The following RCAN2 variants were observed in gnomAD, a reference collection of about 807,000 sequenced individuals.
The protein encoded by RCAN2 is regulator of calcineurin 2, also known as calcipressin-2.
In RCAN2, 9 loss-of-function variants were observed where a neutral mutation model predicts 23.6. The ratio of observed to expected loss-of-function variants is 0.38; its 90% confidence interval spans 0.23 to 0.67. The LOEUF is 0.67. RCAN2 is among the 30% of genes least tolerant of loss of function. The probability of loss-of-function intolerance (pLI) is 0.51; values close to 1 mark genes in which losing one functional copy is unlikely to be tolerated. For synonymous variants in RCAN2, 109 were observed against 115.7 expected, an observed-to-expected ratio of 0.94 and a Z score of 0.37; for missense variants, 273 against 302.3, an observed-to-expected ratio of 0.90 and a Z score of 0.72.
chr6:46,381,359 C>A (rs1159224723), intron 2 of RCAN2, among the ~76,000 whole-genome samples: 2 of 152,194 alleles, frequency 1.3e-5, no homozygotes, highest in African/African-American at 4.8e-5. Flanking sequence ...ATAAGCACTG[C>A]TCCTGTGGCT....
chr6:46,462,085 T>C (rs973482459), intron 1 of RCAN2, among the ~76,000 whole-genome samples: 1 of 152,194 alleles, frequency 6.6e-6, no homozygotes, highest in African/African-American at 2.4e-5. Context: ...TCTTCTACTG[T>C]TAAGTGTGTA....
At chr6:46,247,048 T>A in intron 3 of RCAN2, 129 bp from the exon 4 acceptor site, 1 of 681,218 alleles carries the variant, frequency 1.5e-6, no homozygotes, top group South Asian at 2.2e-5. Flanking sequence ...GTAATAATAA[T>A]TACCACTTAC....
chr6:46,337,630 C>A (rs1764185354), intron 2 of RCAN2, among the ~76,000 whole-genome samples: 1 of 152,216 alleles, frequency 6.6e-6, no homozygotes, highest in South Asian at 2.1e-4. Flanking sequence ...ACCCCACTCA[C>A]CTTTCATCGT....
At chr6:46,400,684 G>T (rs1385805766) in intron 2 of RCAN2, among the ~76,000 whole-genome samples, 5 of 152,096 alleles carry the variant, frequency 3.3e-5, no homozygotes, top group Admixed American at 3.3e-4. Flanking sequence ...TCATCCACTG[G>T]CCCAGAAATT....
At chr6:46,414,573 G>A (rs908847005) in intron 2 of RCAN2, among the ~76,000 whole-genome samples, 1 of 152,174 alleles carries the variant, frequency 6.6e-6, no homozygotes, top group Admixed American at 6.5e-5. Context: ...TAGACTTTGA[G>A]TGAAGCATAT....
At chr6:46,410,348 C>T (rs1199465645) in intron 2 of RCAN2, among the ~76,000 whole-genome samples, 1 of 152,198 alleles carries the variant, frequency 6.6e-6, no homozygotes, top group African/African-American at 2.4e-5. Context: ...TACCTACCTA[C>T]GTACCTTTCC....
intron 2 of RCAN2, among the ~76,000 whole-genome samples, chr6:46,289,879 T>C (rs1376432499): frequency 6.6e-6 from 1 of 152,164 alleles, no homozygotes; most frequent in Non-Finnish European, 1.5e-5. Context: ...ATTACCATAG[T>C]ACTAAGTTTG....
At chr6:46,389,940 C>G (rs942544071) in intron 2 of RCAN2, among the ~76,000 whole-genome samples, 68 of 151,696 alleles carry the variant, frequency 4.5e-4, no homozygotes, top group Non-Finnish European at 1.2e-4. Context: ...TTGCCAAACA[C>G]TCACCTCAGT....
intron 2 of RCAN2, among the ~76,000 whole-genome samples, chr6:46,429,691 G>A (rs761181171): frequency 8.6e-5 from 13 of 152,026 alleles, no homozygotes; most frequent in Non-Finnish European, 1.6e-4. Context: ...GGGCAGGTAC[G>A]TTCTTGCCCT....
chr6:46,333,796 TCAATGCCTTC>T lies in RCAN2; in HGVS notation c.226-84910_226-84901del, dbSNP rs1253788429. On this transcript the variant is annotated intron_variant, in intron 2 of 4. Coordinates refer to ENST00000371374, the MANE Select transcript of RCAN2 (RefSeq NM_001251974.2). ...GTGAACTCAGCCAGCATTGTCTGAA[TCAATGCCTTC>T]CAATCTTTTCTCCAGCTAATTCAGA... 6.6e-5 allele frequency among the ~76,000 whole-genome samples: 10 copies of T among 152,230 alleles called. No homozygotes were observed. The East Asian group carries it at 1.5e-3, about 23-fold the overall frequency.
chr6:46,305,529 T>A (rs1438676575), intron 2 of RCAN2, among the ~76,000 whole-genome samples: 1 of 152,026 alleles, frequency 6.6e-6, no homozygotes, highest in African/African-American at 2.4e-5. Context: ...AAGATGCCAC[T>A]AAATAAGACT....
chr6:46,473,985 C>T (rs1768639773), intron 1 of RCAN2, among the ~76,000 whole-genome samples: 1 of 152,110 alleles, frequency 6.6e-6, no homozygotes, highest in Non-Finnish European at 1.5e-5. Flanking sequence ...CAGAGTTGGA[C>T]AGAAGGACTC....
intron 2 of RCAN2, among the ~76,000 whole-genome samples, chr6:46,350,796 G>T (rs1031420738): frequency 1.3e-5 from 2 of 152,092 alleles, no homozygotes; most frequent in Non-Finnish European, 2.9e-5. Context: ...AATACTACCT[G>T]GTAGTTTTTA....
intron 2 of RCAN2, among the ~76,000 whole-genome samples, chr6:46,287,462 A>AC (rs1362675647): frequency 6.6e-6 from 1 of 152,028 alleles, no homozygotes; most frequent in Non-Finnish European, 1.5e-5. Context: ...CCTCTGTGCT[A>AC]CCCCCCACTT....
intron 2 of RCAN2, among the ~76,000 whole-genome samples, chr6:46,419,049 T>C (rs1178331745): frequency 6.6e-6 from 1 of 152,006 alleles, no homozygotes; most frequent in Non-Finnish European, 1.5e-5. Flanking sequence ...AATAACATAA[T>C]TTGGCTACAA....
chr6:46,308,783 G>A (rs770232934), intron 2 of RCAN2, among the ~76,000 whole-genome samples: 2 of 152,038 alleles, frequency 1.3e-5, no homozygotes, highest in East Asian at 1.9e-4. Flanking sequence ...ATGGAGCACA[G>A]TAGTAATAGG....
intron 2 of RCAN2, among the ~76,000 whole-genome samples, chr6:46,296,066 C>CGTGT (rs60947209): frequency 0.13 from 17,554 of 138,322 alleles, 1,377 homozygotes; most frequent in African/African-American, 0.21. Flanking sequence ...CCAATAGCTT[C>CGTGT]GTGTGTGTGT....
intron 2 of RCAN2, among the ~76,000 whole-genome samples, chr6:46,434,920 G>A (rs751972189): frequency 6.6e-5 from 10 of 152,168 alleles, no homozygotes; most frequent in Non-Finnish European, 1.5e-4. Flanking sequence ...AGTCAGAAAC[G>A]TCAGTAATTC....
chr6:46,340,516 C>T (rs1209298396), intron 2 of RCAN2, among the ~76,000 whole-genome samples: 2 of 152,250 alleles, frequency 1.3e-5, no homozygotes, highest in South Asian at 2.1e-4. Flanking sequence ...TCCTTTAGAA[C>T]CTTCATTTCT....
Sources: allele counts gnomAD v4.1 joint callset (sites outside exome capture counted in the v4.1 genomes callset), GRCh38; gene constraint gnomAD v4.1.1; transcripts MANE v1.5; gene names NCBI Gene and HGNC (gene_info 2026-07-23, HGNC 2026-07-21).